Variants in ADGRL2 observed in about 807,000 individuals in gnomAD.
ADGRL2 encodes adhesion G protein-coupled receptor L2.
Under a neutral mutation model 157.4 loss-of-function variants are expected in ADGRL2, and 44 were observed. The observed-to-expected ratio is 0.28, with a 90% CI of 0.22 to 0.36. The LOEUF is 0.36. Among genes scored for constraint, ADGRL2 ranks in the 10% least tolerant of loss-of-function variants. The pLI is 1.00. For synonymous variants in ADGRL2, 585 were observed against 624.7 expected (o/e 0.94, Z 0.95); for missense variants, 1,510 against 1,768.9 (o/e 0.85, Z 2.63).
intron 1 of ADGRL2, among the ~76,000 whole-genome samples, chr1:81,369,714 A>T (rs2076129422): frequency 6.6e-6 from 1 of 152,108 alleles, no homozygotes; most frequent in Non-Finnish European, 1.5e-5. Context: ...GAAAAAAAAA[A>T]TCCCTTTGGT....
chr1:81,849,517 T>G (rs2092922582), intron 2 of ADGRL2, among the ~76,000 whole-genome samples: 1 of 151,938 alleles, frequency 6.6e-6, no homozygotes, highest in African/African-American at 2.4e-5. Flanking sequence ...AAGAATCATT[T>G]TACATAAAGT....
Position 81,875,436 on chromosome 1 carries a change from A to G in ADGRL2, c.74-31581A>G, listed in dbSNP as rs185161585. Among the ~76,000 whole-genome samples the G allele has an allele frequency of 2.6e-5, 4 of 152,342 alleles. No individual in the cohort carries two copies. The East Asian group carries it at 7.7e-4, about 29-fold the overall frequency. On this transcript the variant is annotated intron_variant, in intron 2 of 23. Transcript: ENST00000686636. Reference sequence around the variant, plus strand: ...AGCAAAATTTGATTAAAGCAGCTTTATAATGCTTTTGAGTGACAGAAACAT... The same window carrying G: ...AGCAAAATTTGATTAAAGCAGCTTTGTAATGCTTTTGAGTGACAGAAACAT...
intron 2 of ADGRL2, among the ~76,000 whole-genome samples, chr1:81,862,092 T>A (rs2093408630): frequency 6.6e-6 from 1 of 152,148 alleles, no homozygotes; most frequent in African/African-American, 2.4e-5. Context: ...TTGCTGAAGT[T>A]AAAACAAGCA....
At position 81,710,026 on chromosome 1, in the gene ADGRL2, A is replaced by C. The variant is rs17106985; in HGVS notation, c.-143+10218A>C. Among the ~76,000 whole-genome samples, 1,054 of 152,224 alleles carry C rather than the reference A, an allele frequency of 6.9e-3. 19 individuals are homozygous for C. Among genetic ancestry groups the C allele is most frequent in the African/African-American group, 0.024 (1,010 of 41,520 alleles). ...CTAATCACCTGTGGTGTGTCTCCTT[A>C]TCTGTTTTGGAAATAGGCGTTACAA... On this transcript the variant is annotated intron_variant, in intron 1 of 20. Coordinates refer to the ADGRL2 transcript ENST00000359929.
intron 2 of ADGRL2, among the ~76,000 whole-genome samples, chr1:81,571,713 T>A (rs960652591): frequency 5.3e-5 from 8 of 152,072 alleles, no homozygotes; most frequent in Non-Finnish European, 1.0e-4. Flanking sequence ...TATTAAGTCA[T>A]TCTAGAAAAT....
intron 3 of ADGRL2, among the ~76,000 whole-genome samples, chr1:81,661,549 A>G (rs2082649953): frequency 6.6e-6 from 1 of 152,206 alleles, no homozygotes; most frequent in Non-Finnish European, 1.5e-5. Flanking sequence ...TTCTAGGGCT[A>G]GGTAATCAAC....
At chr1:81,477,123 A>G (rs938068903) in intron 2 of ADGRL2, among the ~76,000 whole-genome samples, 5 of 152,218 alleles carry the variant, frequency 3.3e-5, no homozygotes, top group Admixed American at 2.0e-4. Flanking sequence ...AACCAATACT[A>G]TGTACCCACC....
chr1:81,785,476 C>T (rs954319239), intron 2 of ADGRL2, among the ~76,000 whole-genome samples: 3 of 152,026 alleles, frequency 2.0e-5, no homozygotes, highest in Non-Finnish European at 4.4e-5. Flanking sequence ...ACCTGTAGTC[C>T]CAGCACTTTG....
chr1:81,368,393 A>G (rs763989622), intron 1 of ADGRL2, among the ~76,000 whole-genome samples: 3 of 152,074 alleles, frequency 2.0e-5, no homozygotes, highest in Non-Finnish European at 2.9e-5. Context: ...CTCTTTAATC[A>G]CTTTCCAAGT....
chr1:81,881,311 G>T (rs2151216369), intron 2 of ADGRL2, among the ~76,000 whole-genome samples: 1 of 152,270 alleles, frequency 6.6e-6, no homozygotes, highest in South Asian at 2.1e-4. Context: ...GAGTAGCTGA[G>T]ACTACAGGAG....
intron 1 of ADGRL2, among the ~76,000 whole-genome samples, chr1:81,320,067 C>T (rs574712890): frequency 4.2e-4 from 64 of 152,232 alleles, no homozygotes; most frequent in African/African-American, 1.5e-3. Flanking sequence ...CATAATATTC[C>T]AAATCCTTTG....
intron 1 of ADGRL2, among the ~76,000 whole-genome samples, chr1:81,714,382 A>C (rs1017929030): frequency 6.6e-6 from 1 of 152,220 alleles, no homozygotes; most frequent in African/African-American, 2.4e-5. Context: ...GTGGTATCAA[A>C]CTTCTTAAAA....
At chr1:81,668,554 G>T (rs368034118) in intron 3 of ADGRL2, among the ~76,000 whole-genome samples, 11 of 152,008 alleles carry the variant, frequency 7.2e-5, no homozygotes, top group African/African-American at 2.2e-4. Flanking sequence ...TTTTGCTGGG[G>T]TTTTTTTGTT....
chr1:81,964,786 TTTTTTGAAC>T (rs1237509018), intron 11 of ADGRL2, among the ~76,000 whole-genome samples: 4 of 152,050 alleles, frequency 2.6e-5, no homozygotes, highest in African/African-American at 9.7e-5. Context: ...GTGGACTGTA[TTTTTTGAAC>T]TTTTTTAAGA....
intron 2 of ADGRL2, among the ~76,000 whole-genome samples, chr1:81,504,509 T>G (rs527941071): frequency 1.3e-5 from 2 of 152,280 alleles, no homozygotes; most frequent in South Asian, 2.1e-4. Context: ...ATTTTAAAAT[T>G]TTTATTGTTG....
intron 2 of ADGRL2, among the ~76,000 whole-genome samples, chr1:81,789,598 C>T (rs1006153605): frequency 3.3e-5 from 5 of 149,666 alleles, no homozygotes; most frequent in Non-Finnish European, 5.9e-5. Flanking sequence ...TGGTGGTGGG[C>T]GCCTGTAATC....
chr1:81,347,164 T>C (rs1258524435), intron 1 of ADGRL2, among the ~76,000 whole-genome samples: 1 of 152,118 alleles, frequency 6.6e-6, no homozygotes, highest in African/African-American at 2.4e-5. Flanking sequence ...TTTGGGAGGC[T>C]GAGGCGGGTA....
chr1:81,503,657 TAGAG>T (rs2078905518), intron 2 of ADGRL2, among the ~76,000 whole-genome samples: 1 of 152,142 alleles, frequency 6.6e-6, no homozygotes, highest in Non-Finnish European at 1.5e-5. Flanking sequence ...AGGGAGAGGC[TAGAG>T]GGGCAGGACA....
intron 1 of ADGRL2, among the ~76,000 whole-genome samples, chr1:81,311,929 TGAG>T (rs1398730210): frequency 2.0e-5 from 3 of 152,062 alleles, no homozygotes; most frequent in African/African-American, 7.2e-5. Flanking sequence ...GGGGAAGAGA[TGAG>T]GAGAGGAGGG....
Sources: gnomAD v4.1 joint callset for allele counts (sites outside exome capture counted in the v4.1 genomes callset) on GRCh38, gnomAD v4.1.1 for gene constraint, MANE v1.5 for transcripts, NCBI Gene and HGNC (gene_info 2026-07-23, HGNC 2026-07-21) for gene names.